GP6: variants seen among roughly 807,000 people sequenced by gnomAD.
GP6 encodes the protein platelet glycoprotein VI.
In GP6, 45 loss-of-function variants were observed where a neutral mutation model predicts 37.3. The observed-to-expected ratio is 1.21, with a 90% CI of 0.95 to 1.55. The LOEUF is 1.55. Ranked by LOEUF, GP6 falls within the 40% of genes most tolerant of loss-of-function variation. GP6 has a pLI of 0.00. For synonymous variants in GP6, 340 were observed against 316.4 expected, an observed-to-expected ratio of 1.07 and a Z score of -0.79; for missense variants, 813 against 760.2, an observed-to-expected ratio of 1.07 and a Z score of -0.82.
chr19:55,024,449 T>G (rs2146788973), intron 5 of GP6, among the ~76,000 whole-genome samples: 1 of 151,758 alleles, frequency 6.6e-6, no homozygotes, highest in East Asian at 1.9e-4. Flanking sequence ...CCCGCAAATC[T>G]CATCCTTATC....
At chr19:55,037,704 TC>T (rs1282313147) in intron 1 of GP6, among the ~76,000 whole-genome samples, 1 of 97,160 alleles carries the variant, frequency 1.0e-5, no homozygotes, top group Non-Finnish European at 2.1e-5. Flanking sequence ...TGACCTCAGC[TC>T]ACTGCAACTT....
At chr19:55,021,050 TAAAAAAAAAA>T (rs60477411) in intron 5 of GP6, among the ~76,000 whole-genome samples, 2 of 107,716 alleles carry the variant, frequency 1.9e-5, no homozygotes, top group African/African-American at 3.8e-5. Context: ...AGACTCTGTT[TAAAAAAAAAA>T]AAAAAAAAAA....
At chr19:55,033,857 G>A (rs866119251) in intron 1 of GP6, among the ~76,000 whole-genome samples, 18 of 152,062 alleles carry the variant, frequency 1.2e-4, no homozygotes, top group African/African-American at 3.4e-4. Context: ...GCTGGCCATG[G>A]GTTTCCCGGT....
chr19:55,024,318 A>ACACGCACATG (rs2074209107), intron 5 of GP6, among the ~76,000 whole-genome samples: 2 of 124,042 alleles, frequency 1.6e-5, no homozygotes, highest in African/African-American at 3.7e-5. Context: ...ATATGCACGC[A>ACACGCACATG]CACACACATA....
chr19:55,027,690 G>A lies in GP6; in HGVS notation c.498C>T (p.Pro166=). Residue 166 remains proline (P), a synonymous_variant, in exon 4 of 8, where the codon CCC becomes CCT. Coordinates refer to ENST00000310373, the MANE Select transcript of GP6 (RefSeq NM_001083899.2). ...TGTGGGCGGCGGTCACCGTGATGAT[G>A]GGAAAACTAGCCCTGTACCATCTCT... 1 of 1,613,070 alleles carries A rather than the reference G, an allele frequency of 6.2e-7. No individual in the cohort carries two copies. Among genetic ancestry groups the A allele is most frequent in the Non-Finnish European group, 8.5e-7 (1 of 1,178,994 alleles).
chr19:55,025,733 G>A (rs934883285), intron 4 of GP6, among the ~76,000 whole-genome samples: 1 of 151,160 alleles, frequency 6.6e-6, no homozygotes, highest in Non-Finnish European at 1.5e-5. Flanking sequence ...CAGGCGTGGT[G>A]GCTCACACCT....
At chr19:55,028,057 G>A (rs2074380494) in intron 3 of GP6, among the ~76,000 whole-genome samples, 195 bp from the exon 4 acceptor site, 1 of 152,238 alleles carries the variant, frequency 6.6e-6, no homozygotes. Flanking sequence ...TCACGTCCTA[G>A]TGCTTGGGTG....
In GP6 at chr19:55,025,210, G is replaced by GA; in HGVS notation, c.664+7dup. 6.6e-7 allele frequency: 1 copy of GA among 1,516,220 alleles called. No individual in the cohort carries two copies. Among genetic ancestry groups the GA allele is most frequent in the Non-Finnish European group, 9.0e-7 (1 of 1,114,250 alleles). The allele number at this position is 1,516,220 out of a possible 1,614,324, so 93.9% of individuals were successfully genotyped here. ...GCTGTGCACCAGAATGGACCCTGCA[G>GA]AACCTACCTGCTACCGGGGAAGGTG... On this transcript the variant is annotated splice_region_variant and intron_variant, in intron 5 of 7. Coordinates refer to ENST00000310373, the MANE Select transcript of GP6 (RefSeq NM_001083899.2).
chr19:55,024,862 C>T (rs2074243557), intron 5 of GP6, among the ~76,000 whole-genome samples: 1 of 148,866 alleles, frequency 6.7e-6, no homozygotes, highest in Admixed American at 6.9e-5. Context: ...AACAGAGTCC[C>T]GGACTCTACA....
At position 55,014,192 on chromosome 19, in the gene GP6, C is replaced by T. The variant is rs1568584631; in HGVS notation, c.1753G>A (p.Gly585Ser). ...GATCTCAGCTCACTGCAACCTCTGC[C>T]TCCCAGGCTCAAGCCATTCTCCCAC... The change falls in exon 8 of 8, where the codon GGC becomes AGC. Residue 585 changes from glycine to serine, a missense_variant. Physicochemically the swap from Gly to Ser is moderately conservative, Grantham distance 56 (BLOSUM62 0). Transcript: ENST00000310373. 1 of 724,028 alleles carries T rather than the reference C, an allele frequency of 1.4e-6. No homozygotes were observed. Among genetic ancestry groups the T allele is most frequent in the South Asian group, 1.5e-5 (1 of 68,208 alleles). The allele number at this position is 724,028 out of a possible 1,614,324, so 44.9% of individuals were successfully genotyped here.
Position 55,015,143 on chromosome 19 carries a change from G to A in GP6, c.802C>T (p.Gln268Ter). Residue 268 changes from glutamine to a stop codon, truncating the protein, a stop_gained, in exon 8 of 8, where the codon CAA becomes TAA. Transcript: ENST00000310373. LOFTEE classifies it low-confidence loss of function (END_TRUNC). ...GGCATATCCGGACCAGGTTGCCCTT[G>A]GTGTAGTACTGGCGGGCAGGACCTG... The A allele has an allele frequency of 6.4e-7, 1 of 1,570,624 alleles. No individual in the cohort carries two copies. The highest frequency in any genetic ancestry group is 8.6e-7 in the Non-Finnish European group (1 of 1,157,336).
chr19:55,014,955 CG>C lies in GP6; in HGVS notation c.989del (p.Pro330ArgfsTer12). 1 of 1,612,818 alleles carries C rather than the reference CG, an allele frequency of 6.2e-7. No homozygotes were observed. The highest frequency in any genetic ancestry group is 8.5e-7 in the Non-Finnish European group (1 of 1,179,602). On this transcript the variant is annotated frameshift_variant, in exon 8 of 8. Transcript: ENST00000310373. LOFTEE classifies it low-confidence loss of function (END_TRUNC). ...TAACCCGCGGCTGTGAACATCCTGT[CG>C]GCCTCCATCCTGACCCCCGTTTGAT...
chr19:55,030,157 G>A (rs1456274986), intron 3 of GP6, among the ~76,000 whole-genome samples: 3 of 151,222 alleles, frequency 2.0e-5, no homozygotes, highest in African/African-American at 2.4e-5. Context: ...GGATGCAAGC[G>A]CATCAGTGCT....
At chr19:55,026,253 G>T (rs1268273151) in intron 4 of GP6, among the ~76,000 whole-genome samples, 1 of 152,200 alleles carries the variant, frequency 6.6e-6, no homozygotes, top group Non-Finnish European at 1.5e-5. Flanking sequence ...CGTTGGGTAT[G>T]TTCACATTGT....
intron 4 of GP6, among the ~76,000 whole-genome samples, chr19:55,026,506 CCTT>C (rs947900923): frequency 6.0e-4 from 92 of 152,282 alleles, no homozygotes; most frequent in African/African-American, 2.1e-3. Context: ...GTCAGAATTT[CCTT>C]CTTTTTTAAG....
Position 55,013,833 on chromosome 19 carries a change from G to C in GP6, c.*249C>G, listed in dbSNP as rs2073735345. 2.9e-6 allele frequency: 1 copy of C among 344,154 alleles called. No homozygotes were observed. The highest frequency in any genetic ancestry group is 3.8e-5 in the Admixed American group (1 of 26,122). 21.3% of individuals were successfully genotyped at this position (344,154 alleles called of 1,614,324 possible). Reference sequence around the variant, plus strand: ...GGCCTCCCACAGTGCTAGGATTACAGACATGATCCACTGCACTTGGCCCAG... The same window carrying C: ...GGCCTCCCACAGTGCTAGGATTACACACATGATCCACTGCACTTGGCCCAG... On this transcript the variant is annotated 3_prime_UTR_variant, in exon 8 of 8. Coordinates refer to ENST00000310373, the MANE Select transcript of GP6 (RefSeq NM_001083899.2).
intron 5 of GP6, among the ~76,000 whole-genome samples, chr19:55,023,668 A>G (rs1289254163): frequency 6.6e-6 from 1 of 152,162 alleles, no homozygotes; most frequent in Non-Finnish European, 1.5e-5. Flanking sequence ...TGAACCAATT[A>G]AACCTCTTTT....
rs201940503 is a variant in GP6, at chr19:55,014,596, G to C, written c.1349C>G (p.Ala450Gly). Residue 450 changes from alanine (A) to glycine (G), a missense_variant, in exon 8 of 8, where the codon GCT becomes GGT. Coordinates refer to ENST00000310373, the MANE Select transcript of GP6 (RefSeq NM_001083899.2). ...TGGGAACCTTAGAGATCCGTCTGGA[G>C]CCCATATTAGAGAGGTTGAAGAAAG... The C allele has an allele frequency of 6.8e-6, 11 of 1,613,802 alleles. No individual in the cohort carries two copies. In the South Asian group the frequency reaches 7.7e-5, roughly 11 times the overall value.
intron 1 of GP6, among the ~76,000 whole-genome samples, chr19:55,034,570 A>AG (rs1555806453): frequency 1.3e-5 from 2 of 152,002 alleles, no homozygotes; most frequent in Non-Finnish European, 2.9e-5. Context: ...AAAAAAAAAA[A>AG]TGATATTGCC....
Sources: allele counts gnomAD v4.1 joint callset (sites outside exome capture counted in the v4.1 genomes callset), GRCh38; gene constraint gnomAD v4.1.1; transcripts MANE v1.5; gene names NCBI Gene and HGNC (gene_info 2026-07-23, HGNC 2026-07-21).